ITGBL1: variants seen among roughly 807,000 people sequenced by gnomAD.
The protein encoded by ITGBL1 is integrin subunit beta like 1.
A neutral mutation model predicts 68.5 loss-of-function variants in ITGBL1; 51 were observed. The observed-to-expected ratio is 0.74, with a 90% CI of 0.59 to 0.94. The LOEUF is 0.94. ITGBL1 is among the 40% of genes least tolerant of loss of function. The pLI is 0.00. For synonymous variants in ITGBL1, 209 were observed against 227.3 expected (o/e 0.92, Z 0.72); for missense variants, 649 against 647.4 (o/e 1.00, Z -0.03).
chr13:101,600,001 G>T (rs963667246), intron 7 of ITGBL1, among the ~76,000 whole-genome samples: 2 of 152,146 alleles, frequency 1.3e-5, no homozygotes, highest in African/African-American at 2.4e-5. Flanking sequence ...GATGGCGATG[G>T]CATTGAATCT....
chr13:101,584,309 A>G (rs2050514149), intron 6 of ITGBL1, among the ~76,000 whole-genome samples: 1 of 152,228 alleles, frequency 6.6e-6, no homozygotes, highest in African/African-American at 2.4e-5. Context: ...TAGTGCAAAG[A>G]AAAAGAAAGC....
chr13:101,572,282 G>A (rs2050286109), intron 3 of ITGBL1, among the ~76,000 whole-genome samples: 1 of 152,058 alleles, frequency 6.6e-6, no homozygotes, highest in African/African-American at 2.4e-5. Context: ...GAGCAGAAGG[G>A]GAAGAGGAGT....
At chr13:101,488,647 A>T (rs930944064) in intron 2 of ITGBL1, among the ~76,000 whole-genome samples, 2 of 152,162 alleles carry the variant, frequency 1.3e-5, no homozygotes, top group Non-Finnish European at 2.9e-5. Context: ...CAGGCATTGT[A>T]CTAAGTACCC....
intron 7 of ITGBL1, among the ~76,000 whole-genome samples, chr13:101,672,697 G>A (rs1348007727): frequency 6.6e-6 from 1 of 152,166 alleles, no homozygotes; most frequent in Non-Finnish European, 1.5e-5. Flanking sequence ...CCACCAGCAG[G>A]TCTTTCCTTT....
chr13:101,665,638 G>A (rs1282102729), intron 7 of ITGBL1, among the ~76,000 whole-genome samples: 2 of 152,058 alleles, frequency 1.3e-5, no homozygotes, highest in South Asian at 2.1e-4. Context: ...TATGGCTTCT[G>A]TGTAATGTTG....
intron 4 of ITGBL1, among the ~76,000 whole-genome samples, chr13:101,576,959 A>G (rs1295338188): frequency 7.0e-6 from 1 of 142,642 alleles, no homozygotes; most frequent in Non-Finnish European, 1.6e-5. Flanking sequence ...GATGGAAAAA[A>G]AAAAAAAGAA....
chr13:101,597,511 C>A (rs2030050639), intron 6 of ITGBL1, among the ~76,000 whole-genome samples: 1 of 150,112 alleles, frequency 6.7e-6, no homozygotes, highest in South Asian at 2.1e-4. Context: ...CCAAATCCAC[C>A]AAATACTCCT....
At chr13:101,617,354 A>C (rs1317491059) in intron 7 of ITGBL1, among the ~76,000 whole-genome samples, 3 of 152,038 alleles carry the variant, frequency 2.0e-5, no homozygotes, top group African/African-American at 7.2e-5. Flanking sequence ...TAACAAGCAG[A>C]AGTTCAAGCA....
chr13:101,583,099 G>C, intron 5 of ITGBL1, 117 bp from the exon 6 acceptor site: 1 of 985,508 alleles, frequency 1.0e-6, no homozygotes, highest in Non-Finnish European at 1.6e-6. Context: ...ATTTTTGTCT[G>C]AATATATGTG....
chr13:101,621,353 G>T (rs1371261649), intron 7 of ITGBL1, among the ~76,000 whole-genome samples: 1 of 152,038 alleles, frequency 6.6e-6, no homozygotes, highest in Non-Finnish European at 1.5e-5. Flanking sequence ...TTCTATTTCT[G>T]TTTATTTGTC....
At chr13:101,545,000 C>T (rs995033564) in intron 2 of ITGBL1, among the ~76,000 whole-genome samples, 20 of 152,328 alleles carry the variant, frequency 1.3e-4, no homozygotes, top group African/African-American at 2.2e-4. Flanking sequence ...TTGTGCTTCC[C>T]GGGTGAGGCG....
chr13:101,654,997 G>C (rs1023325763), intron 7 of ITGBL1, among the ~76,000 whole-genome samples: 1 of 152,144 alleles, frequency 6.6e-6, no homozygotes, highest in Admixed American at 6.5e-5. Flanking sequence ...AAATTTCACA[G>C]ACATTAGGAA....
intron 7 of ITGBL1, among the ~76,000 whole-genome samples, chr13:101,649,918 T>G (rs1331260633): frequency 6.6e-6 from 1 of 152,204 alleles, no homozygotes; most frequent in Non-Finnish European, 1.5e-5. Context: ...TGGAACCAGA[T>G]ATCTGTGATC....
intron 1 of ITGBL1, 97 bp downstream of exon 1, chr13:101,453,028 T>A: frequency 2.1e-6 from 2 of 949,728 alleles, no homozygotes; most frequent in Non-Finnish European, 3.4e-6. Flanking sequence ...GAGCTGTTAT[T>A]AAATTGGACA....
At chr13:101,497,630 G>A (rs1477051304) in intron 2 of ITGBL1, among the ~76,000 whole-genome samples, 1 of 152,172 alleles carries the variant, frequency 6.6e-6, no homozygotes, top group Non-Finnish European at 1.5e-5. Context: ...TTTAATTTAA[G>A]TTGGCCACCA....
At position 101,663,655 on chromosome 13, in the gene ITGBL1, A is replaced by G. The variant is rs2033143153; in HGVS notation, c.1016-28930A>G. 2.0e-5 allele frequency among the ~76,000 whole-genome samples: 3 copies of G among 152,318 alleles called. No homozygotes were observed. The South Asian group carries it at 6.2e-4, about 32-fold the overall frequency. ...ACTGTCATACAAGGTTTCCCAATCA[A>G]AAGCAGATGAGATAGTGGTTGAGGC... is the stretch of plus-strand genomic sequence containing the variant. On this transcript the variant is annotated intron_variant, in intron 7 of 10. Transcript: ENST00000376180.
chr13:101,671,437 G>GTTTTTTTTTTTTTTTTTTTTTTT (rs1491455482), intron 7 of ITGBL1, among the ~76,000 whole-genome samples: 1 of 102,842 alleles, frequency 9.7e-6, no homozygotes, highest in Non-Finnish European at 1.9e-5. Flanking sequence ...TTTTTTTTTT[G>GTTTTTTTTTTTTTTTTTTTTTTT]TTTTTTTTTG....
intron 7 of ITGBL1, among the ~76,000 whole-genome samples, chr13:101,669,088 CA>C (rs2033294368): frequency 6.6e-6 from 1 of 150,440 alleles, no homozygotes; most frequent in African/African-American, 2.5e-5. Context: ...GTAAGTTGTA[CA>C]AGGAAGTAAG....
At chr13:101,707,544 A>G (rs181361079) in intron 9 of ITGBL1, among the ~76,000 whole-genome samples, 2 of 152,214 alleles carry the variant, frequency 1.3e-5, no homozygotes, top group Non-Finnish European at 2.9e-5. Flanking sequence ...ATATAAGAAA[A>G]TAGGTAATTG....
Sources: gnomAD v4.1 joint callset for allele counts (sites outside exome capture counted in the v4.1 genomes callset) on GRCh38, gnomAD v4.1.1 for gene constraint, MANE v1.5 for transcripts, NCBI Gene and HGNC (gene_info 2026-07-23, HGNC 2026-07-21) for gene names.